Variants in ITCH observed in about 807,000 individuals in gnomAD.
The protein encoded by ITCH is E3 ubiquitin-protein ligase Itchy homolog.
ITCH carries 28 observed loss-of-function variants against 126.8 expected under a neutral mutation model. That is an observed-to-expected ratio of 0.22 (90% CI 0.16 to 0.30). The LOEUF is 0.30. Among genes scored for constraint, ITCH ranks in the 10% least tolerant of loss-of-function variants. The pLI is 1.00. For synonymous variants in ITCH, 342 were observed against 340.0 expected, an observed-to-expected ratio of 1.01 and a Z score of -0.06; for missense variants, 631 against 1,032.4, an observed-to-expected ratio of 0.61 and a Z score of 5.33.
intron 23 of ITCH, among the ~76,000 whole-genome samples, chr20:34,498,658 C>G (rs1409194441): frequency 6.6e-6 from 1 of 152,094 alleles, no homozygotes; most frequent in African/African-American, 2.4e-5. Flanking sequence ...TTGAACCATC[C>G]TTGCAACCTT....
chr20:34,454,367 G>A (rs976046087), intron 12 of ITCH: 1 of 151,946 alleles, frequency 6.6e-6, no homozygotes. Context: ...TCGATCTCCT[G>A]ACCTCGTGAT....
chr20:34,404,147 G>A (rs1707768825), intron 3 of ITCH, among the ~76,000 whole-genome samples: 1 of 152,086 alleles, frequency 6.6e-6, no homozygotes, highest in Non-Finnish European at 1.5e-5. Context: ...TCTCATAGTA[G>A]CCCAGGTGTC....
intron 14 of ITCH, among the ~76,000 whole-genome samples, chr20:34,467,619 T>TA (rs1987192775): frequency 6.6e-6 from 1 of 151,512 alleles, no homozygotes. Context: ...AGTTATAAAT[T>TA]AATCAGTCCT....
chr20:34,475,982 C>T (rs1191116649), intron 16 of ITCH: 23 of 1,602,520 alleles, frequency 1.4e-5, no homozygotes, highest in Admixed American at 3.3e-5. Context: ...TTCAGGCACT[C>T]GAACAGTCAT....
chr20:34,492,678 A>G, intron 23 of ITCH, 81 bp downstream of exon 23: 1 of 903,660 alleles, frequency 1.1e-6, no homozygotes, highest in Non-Finnish European at 1.9e-6. Flanking sequence ...AGCCTATTAG[A>G]AACAACAAAG....
In ITCH at chr20:34,471,471, A is replaced by G; in HGVS notation, c.1525A>G (p.Ile509Val). ...ACTGGCCATGCCACAGCACATAAAGATTACAGTGACAAGAAAAACATTGTT... is the reference window on the plus strand; with the variant it reads ...ACTGGCCATGCCACAGCACATAAAGGTTACAGTGACAAGAAAAACATTGTT... ...QQLAMPQHIK[I>V]TVTRKTLFED... The change falls in exon 16 of 25, where the codon ATT becomes GTT. Residue 509 changes from isoleucine (I) to valine (V), a missense_variant. By Grantham distance (29) the Ile-to-Val change is conservative (BLOSUM62 3). This residue lies in a region of ITCH where 390 missense variants were observed against 731.6 expected (regional missense o/e 0.53). Coordinates refer to ENST00000374864, the MANE Select transcript of ITCH (RefSeq NM_031483.7). 1 of 1,608,154 alleles carries G rather than the reference A, an allele frequency of 6.2e-7. No individual in the cohort carries two copies. The highest frequency in any genetic ancestry group is 1.1e-5 in the South Asian group (1 of 90,982).
intron 12 of ITCH, among the ~76,000 whole-genome samples, chr20:34,456,991 G>A (rs1369787192): frequency 2.0e-5 from 3 of 151,512 alleles, no homozygotes; most frequent in Admixed American, 1.3e-4. Context: ...GAGGTTTCAG[G>A]TAGATTATTT....
chr20:34,462,012 T>G (rs183830476), intron 13 of ITCH, 81 bp from the exon 14 acceptor site: 1 of 1,371,504 alleles, frequency 7.3e-7, no homozygotes, highest in African/African-American at 1.4e-5. Flanking sequence ...CTGCTATGTT[T>G]ATTGACATTT....
intron 2 of ITCH, among the ~76,000 whole-genome samples, chr20:34,382,412 T>A (rs1297564005): frequency 6.6e-6 from 1 of 152,220 alleles, no homozygotes; most frequent in African/African-American, 2.4e-5. Context: ...TGATAATTCT[T>A]TTTTCTTTTC....
At position 34,393,750 on chromosome 20, in the gene ITCH, G is replaced by T. The variant is rs376764032; in HGVS notation, c.-21-41G>T. 6 of 1,170,870 alleles carry T rather than the reference G, an allele frequency of 5.1e-6. No homozygotes were observed. The African/African-American group carries it at 9.1e-5, about 18-fold the overall frequency. 72.5% of individuals were successfully genotyped at this position (1,170,870 alleles called of 1,614,324 possible). A position where few individuals can be genotyped will look rare whatever the true frequency, so the allele number is the denominator to read the frequency against. On this transcript the variant is annotated intron_variant, in intron 2 of 24. Coordinates refer to ENST00000374864, the MANE Select transcript of ITCH (RefSeq NM_031483.7). ...GCACTATTTATATATGTTTTTAATG[G>T]GAATTTTTGATGTTTACAGTGTCTC...
intron 3 of ITCH, among the ~76,000 whole-genome samples, chr20:34,400,346 C>T (rs913877984): frequency 1.3e-5 from 2 of 152,094 alleles, no homozygotes; most frequent in Non-Finnish European, 2.9e-5. Flanking sequence ...GAATTATAGG[C>T]CTGAGCCACT....
chr20:34,433,783 A>G (rs1982646814), intron 7 of ITCH, among the ~76,000 whole-genome samples: 3 of 152,246 alleles, frequency 2.0e-5, no homozygotes, highest in Admixed American at 2.0e-4. Context: ...CCCAATATGT[A>G]TTGAGTAACT....
Position 34,458,792 on chromosome 20 carries a change from A to G in ITCH, c.1295+1318A>G, listed in dbSNP as rs375550061. 3.3e-5 allele frequency among the ~76,000 whole-genome samples: 5 copies of G among 152,300 alleles called. No individual in the cohort carries two copies. In the East Asian group the frequency reaches 9.6e-4, roughly 29 times the overall value. ...TCCTGTTTATAAGGACGTCAGTCCT[A>G]TAGGATTAGTGGCCCACAGTACTTC... On this transcript the variant is annotated intron_variant, in intron 13 of 24. Coordinates refer to ENST00000374864, the MANE Select transcript of ITCH (RefSeq NM_031483.7).
chr20:34,397,599 T>C (rs1401487898), intron 3 of ITCH, among the ~76,000 whole-genome samples: 1 of 152,246 alleles, frequency 6.6e-6, no homozygotes, highest in African/African-American at 2.4e-5. Context: ...ATAAAAATAA[T>C]ACTGTCTTAA....
rs1197240224 is a variant in ITCH at position 34,475,694 on chromosome 20, A to AGGCAGG, written c.1570-2047_1570-2042dup. On this transcript the variant is annotated intron_variant, in intron 16 of 24. Coordinates refer to ENST00000374864, the MANE Select transcript of ITCH (RefSeq NM_031483.7). ...GGGGAGAGGGAGACGGGAGAGGCAG[A>AGGCAGG]GGCAGGGGCAGGGGCAGGGGCAGGG... Among the ~76,000 whole-genome samples, 288 of 142,362 alleles carry AGGCAGG rather than the reference A, an allele frequency of 2.0e-3. 1 individual carries two copies. Among genetic ancestry groups the AGGCAGG allele is most frequent in the Middle Eastern group, 7.2e-3 (2 of 278 alleles). 93.4% of individuals were successfully genotyped at this position (142,362 alleles called of 152,430 possible).
intron 1 of ITCH, among the ~76,000 whole-genome samples, chr20:34,366,689 A>G (rs934350963): frequency 1.3e-5 from 2 of 151,956 alleles, no homozygotes; most frequent in African/African-American, 4.8e-5. Flanking sequence ...CAACATGGTG[A>G]TATCCCGTCT....
intron 2 of ITCH, among the ~76,000 whole-genome samples, chr20:34,375,684 T>C (rs2123016798): frequency 6.7e-6 from 1 of 150,010 alleles, no homozygotes; most frequent in East Asian, 1.9e-4. Context: ...TCACAATGTA[T>C]TGGTAGTTAA....
At chr20:34,470,426 A>ATG (rs386393665) in intron 15 of ITCH, among the ~76,000 whole-genome samples, 1 of 150,406 alleles carries the variant, frequency 6.6e-6, no homozygotes, top group Non-Finnish European at 1.5e-5. Context: ...CTGTAAATAT[A>ATG]TATATATATA....
At chr20:34,373,257 G>A (rs1423790986) in intron 2 of ITCH, among the ~76,000 whole-genome samples, 1 of 151,358 alleles carries the variant, frequency 6.6e-6, no homozygotes, top group Non-Finnish European at 1.5e-5. Flanking sequence ...ACAGGCATAA[G>A]CCACTGCACC....
Sources: allele counts gnomAD v4.1 joint callset (sites outside exome capture counted in the v4.1 genomes callset), GRCh38; gene constraint gnomAD v4.1.1; regional missense constraint gnomAD v4.1.1; transcripts MANE v1.5; gene names NCBI Gene and HGNC (gene_info 2026-07-23, HGNC 2026-07-21).